Variants in ZMYM6 observed in about 807,000 individuals in gnomAD.
The protein encoded by ZMYM6 is zinc finger MYM-type containing 6.
Under a neutral mutation model 134.0 loss-of-function variants are expected in ZMYM6, and 90 were observed. The observed-to-expected ratio is 0.67, with a 90% CI of 0.57 to 0.80. The LOEUF is 0.80. Among genes scored for constraint, ZMYM6 ranks in the 30% least tolerant of loss-of-function variants. ZMYM6 has a pLI of 0.00. For synonymous variants in ZMYM6, 481 were observed against 524.1 expected (o/e 0.92, Z 1.12); for missense variants, 1,362 against 1,533.9 (o/e 0.89, Z 1.87).
chr1:34,988,292 G>T lies in ZMYM6; in HGVS notation c.2790C>A (p.Phe930Leu), dbSNP rs1197445754. Residue 930 changes from phenylalanine to leucine, a missense_variant, in exon 16 of 16, where the codon TTC (phenylalanine) becomes TTA (leucine). Transcript: ENST00000357182. ...NITLLLCYIR[F>L]IDYDCRDVKE... Reference sequence around the variant, plus strand: ...TTACATCACGACAATCATAATCAATGAAACGAATATAGCACAAAAGAAGTG... The same window carrying T: ...TTACATCACGACAATCATAATCAATTAAACGAATATAGCACAAAAGAAGTG... The T allele has an allele frequency of 6.4e-7, 1 of 1,550,744 alleles. No homozygotes were observed. Among genetic ancestry groups the T allele is most frequent in the East Asian group, 2.4e-5 (1 of 40,892 alleles).
In ZMYM6 at chr1:34,987,206, A is replaced by G. The variant is rs1302612826; in HGVS notation, c.3876T>C (p.Thr1292=). 2 of 1,613,470 alleles carry G rather than the reference A, an allele frequency of 1.2e-6. No individual in the cohort carries two copies. Among genetic ancestry groups the G allele is most frequent in the African/African-American group, 1.3e-5 (1 of 74,926 alleles). Reference sequence around the variant, plus strand: ...CCAACAGATTTTTTTGTTTTGACTCAGTCAAAGCTGAAAAGGCAGCATCAC... The same window carrying G: ...CCAACAGATTTTTTTGTTTTGACTCGGTCAAAGCTGAAAAGGCAGCATCAC... ...YLCDAAFSAL[T]ESKQKNLLGS... The change falls in exon 16 of 16, where the codon ACT becomes ACC. Residue 1292 remains threonine, a synonymous_variant. Coordinates refer to ENST00000357182, the MANE Select transcript of ZMYM6 (RefSeq NM_007167.4).
At chr1:35,013,514 T>C in intron 6 of ZMYM6, 1 of 985,450 alleles carries the variant, frequency 1.0e-6, no homozygotes. Context: ...CATGGATTCT[T>C]TTCCTGTGAA....
intron 13 of ZMYM6, among the ~76,000 whole-genome samples, 191 bp downstream of exon 13, chr1:35,004,941 C>T (rs912306355): frequency 1.3e-5 from 2 of 152,024 alleles, no homozygotes; most frequent in East Asian, 3.9e-4. Context: ...ACCTGTAATC[C>T]CAGCTACTCG....
rs1641264496 is a variant in ZMYM6 at position 35,019,420 on chromosome 1, T to C, written c.361A>G (p.Ile121Val). ...CAGGCAGGTGAAGAATGTCTGGTGA[T>C]GCATCGTGTGGAGCAGAAGAGCTGA... ...STQLFCSTRC[I>V]TRHSSPACLP... The change falls in exon 4 of 16, where the codon ATC becomes GTC. Residue 121 changes from isoleucine (I) to valine (V), a missense_variant. Physicochemically the swap from Ile to Val is conservative, Grantham distance 29 (BLOSUM62 3). Transcript: ENST00000357182. 6 of 1,614,178 alleles carry C rather than the reference T, an allele frequency of 3.7e-6. No homozygotes were observed. The highest frequency in any genetic ancestry group is 4.2e-6 in the Non-Finnish European group (5 of 1,180,026).
At chr1:35,009,550 A>C (rs1214066991) in intron 10 of ZMYM6, among the ~76,000 whole-genome samples, 1 of 152,264 alleles carries the variant, frequency 6.6e-6, no homozygotes, top group Non-Finnish European at 1.5e-5. Context: ...CTGATGTCAT[A>C]GCTAAACTTA....
At chr1:35,000,234 G>T (rs1226506668) in intron 14 of ZMYM6, among the ~76,000 whole-genome samples, 4 of 139,620 alleles carry the variant, frequency 2.9e-5, no homozygotes, top group Non-Finnish European at 5.9e-5. Context: ...TCGCCCCAGA[G>T]ATTTTTTTTT....
At chr1:34,988,995 T>G in intron 15 of ZMYM6, 60 bp from the exon 16 acceptor site, 1 of 1,559,868 alleles carries the variant, frequency 6.4e-7, no homozygotes, top group Non-Finnish European at 8.6e-7. Context: ...GTTCTTTATG[T>G]ATCTCCCCAC....
At chr1:35,012,268 G>A (rs1478141846) in intron 7 of ZMYM6, among the ~76,000 whole-genome samples, 163 bp downstream of exon 7, 2 of 151,864 alleles carry the variant, frequency 1.3e-5, no homozygotes, top group African/African-American at 4.8e-5. Flanking sequence ...CAAGAAAATC[G>A]GGGAAAAACT....
At chr1:35,005,629 C>CAAAAAAAAA (rs1182722333) in intron 12 of ZMYM6, among the ~76,000 whole-genome samples, 1 of 59,318 alleles carries the variant, frequency 1.7e-5, no homozygotes, top group Non-Finnish European at 4.1e-5. Context: ...AACCTAGTCT[C>CAAAAAAAAA]AAAAAAAAAA....
At chr1:35,022,339 C>A (rs554427633) in intron 2 of ZMYM6, among the ~76,000 whole-genome samples, 2 of 152,036 alleles carry the variant, frequency 1.3e-5, no homozygotes, top group Non-Finnish European at 2.9e-5. Flanking sequence ...GGTGCCATCT[C>A]GGCTCACTGC....
intron 14 of ZMYM6, among the ~76,000 whole-genome samples, chr1:34,999,393 A>G (rs2148446831): frequency 6.6e-6 from 1 of 152,282 alleles, no homozygotes; most frequent in Admixed American, 6.5e-5. Flanking sequence ...AGAACAGGCT[A>G]CCTTTAGAGG....
chr1:34,987,832 C>A lies in ZMYM6; in HGVS notation c.3250G>T (p.Glu1084Ter). ...SRGRMLKRLFELRHEIEIFLS... is the reference protein window; with the variant it reads ...SRGRMLKRLF Reference sequence around the variant, plus strand: ...AATATTTCAATCTCATGTCGTAATTCAAATAATCTTTTTAACATTCTCCCT... The same window carrying A: ...AATATTTCAATCTCATGTCGTAATTAAAATAATCTTTTTAACATTCTCCCT... Residue 1084 changes from glutamate (E) to a stop codon, truncating the protein, a stop_gained, in exon 16 of 16, where the codon GAA becomes TAA. Transcript: ENST00000357182. LOFTEE classifies it high-confidence loss of function. The A allele has an allele frequency of 6.4e-7, 1 of 1,550,636 alleles. No individual in the cohort carries two copies. Among genetic ancestry groups the A allele is most frequent in the South Asian group, 1.2e-5 (1 of 83,590 alleles).
At chr1:35,006,702 TAA>T (rs1016379600) in intron 12 of ZMYM6, among the ~76,000 whole-genome samples, 23 of 152,370 alleles carry the variant, frequency 1.5e-4, no homozygotes, top group African/African-American at 3.8e-4. Flanking sequence ...CAATCAAATC[TAA>T]GTTTCCTATA....
intron 12 of ZMYM6, among the ~76,000 whole-genome samples, chr1:35,006,045 T>C (rs1159180212): frequency 6.6e-6 from 1 of 152,234 alleles, no homozygotes; most frequent in African/African-American, 2.4e-5. Flanking sequence ...TATCGTTCTG[T>C]AGCCCAGGCT....
chr1:35,013,980 G>A (rs1239857580), intron 6 of ZMYM6, among the ~76,000 whole-genome samples: 2 of 152,174 alleles, frequency 1.3e-5, no homozygotes, highest in African/African-American at 2.4e-5. Context: ...GTGAGCCACC[G>A]CGCCGGCCTT....
chr1:35,020,828 C>G (rs1438401561), intron 2 of ZMYM6, among the ~76,000 whole-genome samples: 2 of 152,060 alleles, frequency 1.3e-5, no homozygotes, highest in Non-Finnish European at 2.9e-5. Context: ...ACCTCAGCCT[C>G]CCAAAGTGCT....
chr1:35,017,079 T>C (rs2148456877), intron 4 of ZMYM6, among the ~76,000 whole-genome samples: 1 of 152,082 alleles, frequency 6.6e-6, no homozygotes, highest in African/African-American at 2.4e-5. Flanking sequence ...ATGAGGAAAC[T>C]GAATGAGAGG....
intron 2 of ZMYM6, 101 bp from the exon 3 acceptor site, chr1:35,020,568 CTTTTTTTTTTTTT>C (rs942213398): frequency 6.2e-5 from 15 of 241,468 alleles, no homozygotes; most frequent in East Asian, 5.8e-4. Context: ...TATTCATCTC[CTTTTTTTTTTTTT>C]TTTTTTTTTG....
chr1:34,987,457 G>A lies in ZMYM6; in HGVS notation c.3625C>T (p.Arg1209Cys), dbSNP rs148874863. 2.5e-5 allele frequency: 40 copies of A among 1,613,760 alleles called. No homozygotes were observed. In the African/African-American group the frequency reaches 3.9e-4, roughly 16 times the overall value. ...TGAATTATCCACAAATTTCCTGAAC[G>A]CAAGTCTTGTTCTGGTGGAAAACAG... The part of the protein sequence containing the change: ...SDCFPPEQDL[R>C]SGNLWIIHPF... Residue 1209 changes from arginine to cysteine, a missense_variant, in exon 16 of 16, where the codon CGT becomes TGT. By Grantham distance (180) the Arg-to-Cys change is radical (BLOSUM62 -3). Transcript: ENST00000357182.
Sources: gnomAD v4.1 joint callset for allele counts (sites outside exome capture counted in the v4.1 genomes callset) on GRCh38, gnomAD v4.1.1 for gene constraint, MANE v1.5 for transcripts, NCBI Gene and HGNC (gene_info 2026-07-23, HGNC 2026-07-21) for gene names.